The following NEURL3 variants were observed in gnomAD, a reference collection of about 807,000 sequenced individuals.
The protein encoded by NEURL3 is neuralized E3 ubiquitin protein ligase 3.
NEURL3 carries 19 observed loss-of-function variants against 17.6 expected under a neutral mutation model. The observed-to-expected ratio is 1.08, with a 90% CI of 0.75 to 1.58. NEURL3 has a LOEUF of 1.58. NEURL3 is among the 40% of genes most tolerant of loss of function. NEURL3 has a pLI of 0.00. For synonymous variants in NEURL3, 180 were observed against 161.4 expected (o/e 1.11, Z -0.87); for missense variants, 342 against 379.6 (o/e 0.90, Z 0.82).
intron 3 of NEURL3, chr2:96,499,065 AC>A: frequency 2.5e-6 from 2 of 788,706 alleles, no homozygotes; most frequent in Non-Finnish European, 3.6e-6. Context: ...GGTGTGAGCC[AC>A]TGCACCCCAC....
chr2:96,507,549 C>T (rs893959016), upstream of NEURL3, among the ~76,000 whole-genome samples: 1 of 152,222 alleles, frequency 6.6e-6, no homozygotes, highest in Admixed American at 6.5e-5. Flanking sequence ...ACTGCAACCT[C>T]TGCCTCCCAG....
intron 1 of NEURL3, among the ~76,000 whole-genome samples, chr2:96,501,430 G>A (rs1243360241): frequency 1.3e-5 from 2 of 152,056 alleles, no homozygotes; most frequent in African/African-American, 4.8e-5. Flanking sequence ...GTCTGCTCCA[G>A]GAGGCTGTCT....
rs756583493 is a variant in NEURL3, at chr2:96,499,378, C to T, written c.586G>A (p.Ala196Thr). ...LSNKAVPEPK[A>T]TPGEECAICF... ...CCCTGATTCTTGGGAAGGCACTCACCTTTGGGCTCAGGCACAGCCTTGTTG... is the reference window on the plus strand; with the variant it reads ...CCCTGATTCTTGGGAAGGCACTCACTTTTGGGCTCAGGCACAGCCTTGTTG... The change falls in exon 3 of 4, where the codon GCC (alanine) becomes ACC (threonine). Residue 196 changes from alanine to threonine, a missense_variant and splice_region_variant. Physicochemically the swap from Ala to Thr is moderately conservative, Grantham distance 58. Transcript: ENST00000451794. The T allele has an allele frequency of 3.8e-6, 6 of 1,599,352 alleles. No individual in the cohort carries two copies. In the Admixed American group the frequency reaches 8.3e-5, roughly 22 times the overall value.
At position 96,505,313 on chromosome 2, in the gene NEURL3, C is replaced by A. The variant is rs181134507; in HGVS notation, c.-27G>T. 1 of 1,598,898 alleles carries A rather than the reference C, an allele frequency of 6.3e-7. No homozygotes were observed. The highest frequency in any genetic ancestry group is 8.5e-7 in the Non-Finnish European group (1 of 1,179,758). ...AGTCTAAGGTCCTCGGGCACAGGTC[C>A]CCAGGTCTAGAAGGAACTGCCTGGA... On this transcript the variant is annotated 5_prime_UTR_variant, in exon 1 of 4. Coordinates refer to ENST00000451794, the MANE Select transcript of NEURL3 (RefSeq NM_001285485.2).
At position 96,500,830 on chromosome 2, in the gene NEURL3, G is replaced by A; in HGVS notation, c.123C>T (p.Arg41=). ...ACACGATGCCGTCGTGGAACGTGGT[G>A]CGCCTGTGCGCGATGCAGCCACGCG... ...LDTRGCIAHR[R]TTFHDGIVFS... is the part of the protein sequence containing the mutation. The change falls in exon 2 of 4, where the codon CGC becomes CGT. Residue 41 remains arginine, a synonymous_variant. Coordinates refer to ENST00000451794, the MANE Select transcript of NEURL3 (RefSeq NM_001285485.2). 1 of 1,529,542 alleles carries A rather than the reference G, an allele frequency of 6.5e-7. No individual in the cohort carries two copies. The highest frequency in any genetic ancestry group is 8.7e-7 in the Non-Finnish European group (1 of 1,143,846). 94.7% of individuals were successfully genotyped at this position (1,529,542 alleles called of 1,614,324 possible).
At chr2:96,504,062 G>A (rs556915680) in intron 1 of NEURL3, among the ~76,000 whole-genome samples, 23 of 152,286 alleles carry the variant, frequency 1.5e-4, no homozygotes, top group Non-Finnish European at 2.8e-4. Context: ...GACTGCCTGC[G>A]GGCTAAGCAG....
Position 96,500,864 on chromosome 2 carries a change from C to T in NEURL3, c.89G>A (p.Arg30His), listed in dbSNP as rs1220334802. The stretch of plus-strand genomic sequence containing the variant: ...CGCGATGCAGCCACGCGTGTCCAGA[C>T]GCACCTGTGCGCCCTTGGCCTCGGC... Reference protein sequence around the residue: ...FHAEAKGAQVRLDTRGCIAHR... With the variant: ...FHAEAKGAQVHLDTRGCIAHR... The change falls in exon 2 of 4, where the codon CGT becomes CAT. Residue 30 changes from arginine to histidine, a missense_variant. By Grantham distance (29) the Arg-to-His change is conservative (BLOSUM62 0). Coordinates refer to ENST00000451794, the MANE Select transcript of NEURL3 (RefSeq NM_001285485.2). 1 of 1,536,558 alleles carries T rather than the reference C, an allele frequency of 6.5e-7. No individual in the cohort carries two copies. Among genetic ancestry groups the T allele is most frequent in the South Asian group, 1.2e-5 (1 of 84,194 alleles).
rs757639694 is a variant in NEURL3 at position 96,498,409 on chromosome 2, G to A, written c.624C>T (p.His208=). 39 of 1,598,966 alleles carry A rather than the reference G, an allele frequency of 2.4e-5. No individual in the cohort carries two copies. Among genetic ancestry groups the A allele is most frequent in the South Asian group, 2.0e-4 (18 of 91,052 alleles). The change falls in exon 4 of 4, where the codon CAC becomes CAT. Residue 208 remains histidine, a synonymous_variant. Transcript: ENST00000451794. This position sits in a 1 kb window ranked among gnomAD's most constrained non-coding sequence, Gnocchi z 4.4. ...AGGGCACAAGGCGGGTGTTGGCAGC[G>A]TGATAGAAGCAGATGGCACACTCCT... ...PGEECAICFY[H]AANTRLVPCG...
At chr2:96,508,091 CTGAG>C (rs1280692366), upstream of NEURL3, 2 of 152,342 alleles carry the variant, frequency 1.3e-5, no homozygotes, top group African/African-American at 4.8e-5. Flanking sequence ...TAACTTGCTG[CTGAG>C]TGTCAGGTTG....
chr2:96,507,179 G>C (rs1030480903), upstream of NEURL3, among the ~76,000 whole-genome samples: 17 of 152,138 alleles, frequency 1.1e-4, no homozygotes, highest in African/African-American at 3.9e-4. Context: ...TGAACAGGCT[G>C]GCCGACTCTC....
chr2:96,500,256 C>T, intron 2 of NEURL3, 183 bp downstream of exon 2: 1 of 776,762 alleles, frequency 1.3e-6, no homozygotes, highest in South Asian at 1.8e-5. Flanking sequence ...ACAAGACTGC[C>T]CTCCCTACGA....
At position 96,499,378 on chromosome 2, in the gene NEURL3, C is replaced by G. The variant is rs756583493; in HGVS notation, c.586G>C (p.Ala196Pro). Residue 196 changes from alanine (A) to proline (P), a missense_variant and splice_region_variant, in exon 3 of 4, where the codon GCC becomes CCC. Ala to Pro is a conservative substitution (Grantham distance 27, BLOSUM62 -1). Transcript: ENST00000451794. Reference sequence around the variant, plus strand: ...CCCTGATTCTTGGGAAGGCACTCACCTTTGGGCTCAGGCACAGCCTTGTTG... The same window carrying G: ...CCCTGATTCTTGGGAAGGCACTCACGTTTGGGCTCAGGCACAGCCTTGTTG... Reference protein sequence around the residue: ...LSNKAVPEPKATPGEECAICF... With the variant: ...LSNKAVPEPKPTPGEECAICF... 6.3e-7 allele frequency: 1 copy of G among 1,599,352 alleles called. No individual in the cohort carries two copies. Among genetic ancestry groups the G allele is most frequent in the African/African-American group, 1.3e-5 (1 of 74,912 alleles).
intron 2 of NEURL3, 72 bp from the exon 3 acceptor site, chr2:96,499,521 G>A (rs1040359957): frequency 2.0e-5 from 26 of 1,318,366 alleles, no homozygotes; most frequent in African/African-American, 1.5e-4. Context: ...CCCTGGCCCC[G>A]CAGCAAAGTG....
At chr2:96,500,322 A>G in intron 2 of NEURL3, 117 bp downstream of exon 2, 1 of 1,440,368 alleles carries the variant, frequency 6.9e-7, no homozygotes, top group Non-Finnish European at 9.4e-7. Flanking sequence ...AACACTGGGC[A>G]GGGGCTGATG....
chr2:96,501,032 C>T, intron 1 of NEURL3, 108 bp from the exon 2 acceptor site: 2 of 1,331,702 alleles, frequency 1.5e-6, no homozygotes, highest in Non-Finnish European at 9.8e-7. Context: ...GCACCTTGAC[C>T]TTCCCCTAGG....
At chr2:96,499,953 C>T (rs2065485026) in intron 2 of NEURL3, 1 of 190,952 alleles carries the variant, frequency 5.2e-6, no homozygotes, top group Admixed American at 5.8e-5. Flanking sequence ...ATTACTGCCT[C>T]TCTGTGCTCT....
rs1277825024 is a variant in NEURL3 at position 96,498,613 on chromosome 2, A to G, written c.587-167T>C. 4.0e-6 allele frequency: 1 copy of G among 247,868 alleles called. No homozygotes were observed. The highest frequency in any genetic ancestry group is 1.8e-4 in the East Asian group (1 of 5,590). The allele number at this position is 247,868 out of a possible 1,614,324, so 15.4% of individuals were successfully genotyped here. A position where few individuals can be genotyped will look rare whatever the true frequency, so the allele number is the denominator to read the frequency against. On this transcript the variant is annotated intron_variant, in intron 3 of 3. Transcript: ENST00000451794. This position sits in a 1 kb window ranked among gnomAD's most constrained non-coding sequence, Gnocchi z 4.4. The stretch of plus-strand genomic sequence containing the variant: ...ATCAAGTGAAAAAAAGGGGGAAGAA[A>G]ACCATTTTTTATATACATATATTCC...
In NEURL3 at chr2:96,498,178, T is replaced by G; in HGVS notation, c.*66A>C. 2 of 1,418,222 alleles carry G rather than the reference T, an allele frequency of 1.4e-6. No individual in the cohort carries two copies. Among genetic ancestry groups the G allele is most frequent in the Admixed American group, 2.5e-5 (1 of 39,564 alleles). The allele number at this position is 1,418,222 out of a possible 1,614,324, so 87.9% of individuals were successfully genotyped here. A position where few individuals can be genotyped will look rare whatever the true frequency, so the allele number is the denominator to read the frequency against. On this transcript the variant is annotated 3_prime_UTR_variant, in exon 4 of 4. Coordinates refer to ENST00000451794, the MANE Select transcript of NEURL3 (RefSeq NM_001285485.2). The surrounding 1 kb of genome is among the most constrained non-coding windows in gnomAD (Gnocchi z 4.4). ...AGAAAGAAGGTAGGGCTGCGCCTCC[T>G]TCCTCTCTGCAGGGGCCAGACTCAG... is the stretch of plus-strand genomic sequence containing the variant.
intron 1 of NEURL3, among the ~76,000 whole-genome samples, chr2:96,503,777 AG>A (rs1409430915): frequency 6.6e-4 from 101 of 152,148 alleles, no homozygotes; most frequent in Non-Finnish European, 3.7e-4. Flanking sequence ...ACTTTGACCC[AG>A]GCAGCCCGGG....
Sources: gnomAD v4.1 joint callset for allele counts (sites outside exome capture counted in the v4.1 genomes callset) on GRCh38, gnomAD v4.1.1 for gene constraint, Gnocchi (gnomAD v3.1) non-coding constraint, MANE v1.5 for transcripts, NCBI Gene and HGNC (gene_info 2026-07-23, HGNC 2026-07-21) for gene names.